The following EYS variants were observed in gnomAD, a reference collection of about 807,000 sequenced individuals.
EYS encodes EGF-like photoreceptor maintenance factor, also known as protein eyes shut homolog.
In EYS, 250 loss-of-function variants were observed where a neutral mutation model predicts 282.1. The ratio of observed to expected loss-of-function variants is 0.89; its 90% CI spans 0.80 to 0.98. The LOEUF (loss-of-function observed/expected upper bound fraction) is 0.98, where lower values mean the gene tolerates loss of function less well. Among genes scored for constraint, EYS ranks in the 50% least tolerant of loss-of-function variants. The pLI is 0.00. For missense variants in EYS, 4,016 were observed against 3,709.0 expected, an observed-to-expected ratio of 1.08 and a Z score of -2.15; for synonymous variants, 1,355 against 1,282.9, an observed-to-expected ratio of 1.06 and a Z score of -1.20.
intron 26 of EYS, among the ~76,000 whole-genome samples, chr6:64,458,997 G>A (rs536172529): frequency 1.8e-4 from 27 of 152,178 alleles, no homozygotes; most frequent in Non-Finnish European, 3.4e-4. Flanking sequence ...TTCCTTATAC[G>A]AATTCCACAT....
intron 30 of EYS, among the ~76,000 whole-genome samples, chr6:64,272,180 G>A (rs1389594184): frequency 6.6e-6 from 1 of 152,182 alleles, no homozygotes; most frequent in African/African-American, 2.4e-5. Flanking sequence ...CTTTGCACAT[G>A]AGGTGGGTCT....
At chr6:65,013,145 A>T (rs186308349) in intron 13 of EYS, among the ~76,000 whole-genome samples, 237 of 152,336 alleles carry the variant, frequency 1.6e-3, no homozygotes, top group African/African-American at 5.4e-3. Context: ...CCTACTGCTA[A>T]ATATTTAATT....
At chr6:64,212,793 T>TATACCCA (rs1765819133) in intron 31 of EYS, among the ~76,000 whole-genome samples, 1 of 152,120 alleles carries the variant, frequency 6.6e-6, no homozygotes, top group African/African-American at 2.4e-5. Flanking sequence ...GATTCTATTA[T>TATACCCA]AAAGACTCAT....
chr6:64,374,709 G>T (rs552785701), intron 29 of EYS, among the ~76,000 whole-genome samples: 1 of 152,174 alleles, frequency 6.6e-6, no homozygotes, highest in African/African-American at 2.4e-5. Context: ...GCATACAAGA[G>T]CTGCTGCTCG....
intron 40 of EYS, among the ~76,000 whole-genome samples, chr6:63,771,620 A>T (rs1582191436): frequency 6.6e-6 from 1 of 152,164 alleles, no homozygotes; most frequent in African/African-American, 2.4e-5. Flanking sequence ...TTCACAATTT[A>T]TGTAGATGTC....
rs554883088 is a variant in EYS at position 64,388,722 on chromosome 6, C to G, written c.6046G>C (p.Gly2016Arg). 2.6e-6 allele frequency: 4 copies of G among 1,537,800 alleles called. No individual in the cohort carries two copies. The highest frequency in any genetic ancestry group is 3.5e-6 in the Non-Finnish European group (4 of 1,140,974). The change falls in exon 29 of 43, where the codon GGT (glycine) becomes CGT (arginine). Residue 2016 changes from glycine to arginine, a missense_variant. Coordinates refer to ENST00000503581, the MANE Select transcript of EYS (RefSeq NM_001142800.2). ...TTCCCATGAAGGTCTGGAAATCCACCAATGAAGACAGATCCTGATTTTGGC... is the reference window on the plus strand; with the variant it reads ...TTCCCATGAAGGTCTGGAAATCCACGAATGAAGACAGATCCTGATTTTGGC... ...PLPKSGSVFI[G>R]GFPDLHGKIQ...
At chr6:64,295,708 G>C (rs1487441327) in intron 30 of EYS, among the ~76,000 whole-genome samples, 2 of 120,606 alleles carry the variant, frequency 1.7e-5, no homozygotes, top group South Asian at 6.6e-4. Flanking sequence ...CAGCCTGGCT[G>C]ACTGAGCCAG....
intron 26 of EYS, among the ~76,000 whole-genome samples, chr6:64,485,590 A>G (rs1347842017): frequency 1.3e-5 from 2 of 151,618 alleles, no homozygotes; most frequent in East Asian, 3.9e-4. Context: ...CCTGATTACT[A>G]GGCTCTAGCA....
chr6:64,498,933 T>G (rs1776963057), intron 26 of EYS, among the ~76,000 whole-genome samples: 1 of 152,178 alleles, frequency 6.6e-6, no homozygotes, highest in Admixed American at 6.5e-5. Context: ...CGTGTGCATG[T>G]GTATTTATAG....
At chr6:65,563,011 T>C (rs1289627272) in intron 2 of EYS, among the ~76,000 whole-genome samples, 2 of 152,112 alleles carry the variant, frequency 1.3e-5, no homozygotes, top group African/African-American at 4.8e-5. Context: ...GTACCACTTT[T>C]TCAGCAACAC....
chr6:64,821,783 G>T (rs779979091), intron 20 of EYS, 60 bp from the exon 21 acceptor site: 6 of 1,008,844 alleles, frequency 5.9e-6, no homozygotes, highest in Non-Finnish European at 8.9e-6. Flanking sequence ...ATAACTTCAA[G>T]GGAGTTTCAC....
chr6:65,353,400 G>T, intron 9 of EYS, 58 bp downstream of exon 9: 1 of 1,472,812 alleles, frequency 6.8e-7, no homozygotes. Flanking sequence ...ATGAATACGT[G>T]ACTAGCAAAT....
intron 22 of EYS, among the ~76,000 whole-genome samples, chr6:64,697,767 C>A (rs1035216559): frequency 1.3e-5 from 2 of 151,986 alleles, no homozygotes; most frequent in Non-Finnish European, 2.9e-5. Context: ...CACTGTGAAA[C>A]CCCATCTCTA....
intron 19 of EYS, among the ~76,000 whole-genome samples, chr6:64,840,004 A>T (rs539923082): frequency 6.3e-4 from 96 of 152,220 alleles, no homozygotes; most frequent in Non-Finnish European, 1.2e-3. Flanking sequence ...ACATATGCAT[A>T]CATGTAAGAT....
intron 31 of EYS, among the ~76,000 whole-genome samples, chr6:64,230,281 CAAAGG>C (rs1171934726): frequency 6.6e-6 from 1 of 151,926 alleles, no homozygotes; most frequent in Non-Finnish European, 1.5e-5. Flanking sequence ...TCTGTGGAAA[CAAAGG>C]AAAGATTCAC....
At chr6:64,425,084 A>G (rs990899250) in intron 28 of EYS, among the ~76,000 whole-genome samples, 54 of 152,168 alleles carry the variant, frequency 3.5e-4, no homozygotes, top group Non-Finnish European at 5.6e-4. Flanking sequence ...AGAGAGTCCT[A>G]GAAGTAATGG....
intron 29 of EYS, among the ~76,000 whole-genome samples, chr6:64,329,909 T>C (rs1407845292): frequency 6.6e-6 from 1 of 152,144 alleles, no homozygotes; most frequent in Non-Finnish European, 1.5e-5. Flanking sequence ...ACATAAAGGA[T>C]GCATTCTTCT....
At chr6:64,762,935 TG>T (rs1773208040) in intron 22 of EYS, among the ~76,000 whole-genome samples, 1 of 152,314 alleles carries the variant, frequency 6.6e-6, no homozygotes, top group Admixed American at 6.5e-5. Context: ...CTCTGTGGAA[TG>T]GCATGTTAGA....
At chr6:65,279,538 T>C (rs1441214830) in intron 12 of EYS, among the ~76,000 whole-genome samples, 1 of 152,204 alleles carries the variant, frequency 6.6e-6, no homozygotes, top group Admixed American at 6.5e-5. Flanking sequence ...GCTTTTTCTT[T>C]GTTCATCTGT....
Sources: allele counts gnomAD v4.1 joint callset (sites outside exome capture counted in the v4.1 genomes callset), GRCh38; gene constraint gnomAD v4.1.1; transcripts MANE v1.5; gene names NCBI Gene and HGNC (gene_info 2026-07-23, HGNC 2026-07-21).